The following CCDC7 variants were observed in gnomAD, a reference collection of about 807,000 sequenced individuals.
The protein encoded by CCDC7 is coiled-coil domain-containing protein 7.
A neutral mutation model predicts 196.9 loss-of-function variants in CCDC7; 183 were observed. That is an observed-to-expected ratio of 0.93 (90% CI 0.82 to 1.05). The LOEUF is 1.05. Ranked by LOEUF, CCDC7 falls within the 50% of genes least tolerant of loss-of-function variation. CCDC7 has a pLI of 0.00. For missense variants in CCDC7, 1,540 were observed against 1,482.2 expected (o/e 1.04, Z -0.64); for synonymous variants, 525 against 484.6 (o/e 1.08, Z -1.10).
chr10:32,848,550 T>C (rs1593415302), intron 38 of CCDC7, 46 bp from the exon 40 acceptor site: 4 of 1,328,856 alleles, frequency 3.0e-6, no homozygotes, highest in South Asian at 2.4e-5. Context: ...AGTGTGTGAA[T>C]AGTCAAGAGT....
chr10:32,832,571 A>G (rs1456230217), intron 32 of CCDC7, among the ~76,000 whole-genome samples: 2 of 152,136 alleles, frequency 1.3e-5, no homozygotes, highest in African/African-American at 4.8e-5. Context: ...CAATAATTTT[A>G]TGTTTGGCAA....
chr10:32,653,136 A>G (rs1345100828), intron 20 of CCDC7, among the ~76,000 whole-genome samples: 1 of 152,036 alleles, frequency 6.6e-6, no homozygotes, highest in Non-Finnish European at 1.5e-5. Context: ...CTTCCCCCTA[A>G]CCTGTAAAAT....
intron 28 of CCDC7, among the ~76,000 whole-genome samples, chr10:32,759,460 C>T (rs1271943535): frequency 6.6e-6 from 1 of 152,124 alleles, no homozygotes; most frequent in African/African-American, 2.4e-5. Flanking sequence ...ACTATCTGAT[C>T]TTTGACAAAC....
In CCDC7 at chr10:32,812,413, G is replaced by A. The variant is rs569985021; in HGVS notation, c.3098-1957G>A. 5.4e-3 allele frequency among the ~76,000 whole-genome samples: 814 copies of A among 151,994 alleles called. 3 individuals carry two copies. Among genetic ancestry groups the A allele is most frequent in the South Asian group, 9.7e-3 (47 of 4,826 alleles). On this transcript the variant is annotated intron_variant, in intron 30 of 41. Coordinates refer to ENST00000639629, the Ensembl canonical transcript of CCDC7. ...TAATTATAACAACAACTATAACCAT[G>A]TCTTTATTATTTACAAATGTGCTAT...
chr10:32,685,094 C>T (rs992257426), intron 21 of CCDC7, among the ~76,000 whole-genome samples: 3 of 151,752 alleles, frequency 2.0e-5, no homozygotes, highest in Admixed American at 1.3e-4. Context: ...ATATTGTATT[C>T]TTACATTTCA....
At chr10:32,598,058 A>G (rs1590350986) in intron 18 of CCDC7, among the ~76,000 whole-genome samples, 1 of 152,316 alleles carries the variant, frequency 6.6e-6, no homozygotes, top group South Asian at 2.1e-4. Context: ...TTAAGTCTGC[A>G]GAAGTTTCTG....
At chr10:32,850,283 G>A (rs1430980397) in intron 39 of CCDC7, among the ~76,000 whole-genome samples, 2 of 152,184 alleles carry the variant, frequency 1.3e-5, no homozygotes, top group African/African-American at 4.8e-5. Context: ...GTATCATGAA[G>A]CAGAGTGTAG....
At chr10:32,579,242 T>G (rs946110925) in intron 16 of CCDC7, among the ~76,000 whole-genome samples, 14 of 152,166 alleles carry the variant, frequency 9.2e-5, no homozygotes, top group South Asian at 2.1e-4. Context: ...TTTTGTTTTT[T>G]TTTTCTTAAC....
At chr10:32,652,704 C>G (rs1362330597) in intron 20 of CCDC7, among the ~76,000 whole-genome samples, 1 of 152,038 alleles carries the variant, frequency 6.6e-6, no homozygotes, top group Non-Finnish European at 1.5e-5. Flanking sequence ...TTATACTTTA[C>G]TCCTCACATT....
At chr10:32,580,385 C>G (rs1205414922) in intron 16 of CCDC7, among the ~76,000 whole-genome samples, 1 of 152,066 alleles carries the variant, frequency 6.6e-6, no homozygotes, top group Non-Finnish European at 1.5e-5. Context: ...TGGACTTTTA[C>G]TGAACCTTTA....
At chr10:32,717,553 C>T (rs1332751796) in intron 25 of CCDC7, among the ~76,000 whole-genome samples, 1 of 151,944 alleles carries the variant, frequency 6.6e-6, no homozygotes, top group Non-Finnish European at 1.5e-5. Context: ...GAGAGAGAGA[C>T]ACGAAAAACC....
intron 9 of CCDC7, among the ~76,000 whole-genome samples, chr10:32,497,092 A>G (rs1320345456): frequency 6.6e-6 from 1 of 152,052 alleles, no homozygotes; most frequent in Non-Finnish European, 1.5e-5. Context: ...CTATTCAGGG[A>G]TTTGACTTCT....
intron 22 of CCDC7, among the ~76,000 whole-genome samples, chr10:32,687,226 A>T (rs1173559410): frequency 6.6e-6 from 1 of 152,188 alleles, no homozygotes; most frequent in Non-Finnish European, 1.5e-5. Flanking sequence ...TCTCATGAAC[A>T]TCTTTGGATT....
intron 16 of CCDC7, among the ~76,000 whole-genome samples, chr10:32,577,859 G>A (rs2058373511): frequency 6.6e-6 from 1 of 152,188 alleles, no homozygotes. Flanking sequence ...AATGCGATAG[G>A]AATGTCGGGT....
intron 28 of CCDC7, among the ~76,000 whole-genome samples, chr10:32,747,769 A>G (rs1158689196): frequency 6.6e-6 from 1 of 152,192 alleles, no homozygotes; most frequent in Admixed American, 6.5e-5. Context: ...TTGGAATGTA[A>G]ATTAGTTCAG....
chr10:32,528,350 T>C (rs561038374), intron 11 of CCDC7, among the ~76,000 whole-genome samples: 101 of 152,080 alleles, frequency 6.6e-4, no homozygotes, highest in Non-Finnish European at 9.9e-4. Context: ...TTTTGGCGCA[T>C]CCATCACCCA....
chr10:32,737,136 T>C (rs907878008), intron 28 of CCDC7, among the ~76,000 whole-genome samples: 2 of 152,172 alleles, frequency 1.3e-5, no homozygotes, highest in African/African-American at 4.8e-5. Flanking sequence ...TTTTCTTTAG[T>C]CTGTTGATGT....
intron 9 of CCDC7, among the ~76,000 whole-genome samples, chr10:32,499,982 G>C (rs1044892942): frequency 7.2e-5 from 11 of 152,174 alleles, no homozygotes; most frequent in African/African-American, 2.4e-4. Context: ...GAACAAAATG[G>C]AGTCTCCTAT....
At chr10:32,542,305 A>G (rs2051579847) in intron 11 of CCDC7, among the ~76,000 whole-genome samples, 2 of 152,180 alleles carry the variant, frequency 1.3e-5, no homozygotes, top group African/African-American at 4.8e-5. Context: ...AATTTCACAT[A>G]TGCTTAAGCA....
Sources: allele counts gnomAD v4.1 joint callset (sites outside exome capture counted in the v4.1 genomes callset), GRCh38; gene constraint gnomAD v4.1.1; transcripts MANE v1.5; gene names NCBI Gene and HGNC (gene_info 2026-07-23, HGNC 2026-07-21).